Variants in DPF2 observed in about 807,000 individuals in gnomAD.
DPF2 encodes the protein double PHD fingers 2.
A neutral mutation model predicts 59.6 loss-of-function variants in DPF2; 10 were observed. That is an observed-to-expected ratio of 0.17 (90% CI 0.10 to 0.28). The LOEUF is 0.28. Ranked by LOEUF, DPF2 falls within the 10% of genes least tolerant of loss-of-function variation. DPF2 has a pLI of 1.00. For synonymous variants in DPF2, 189 were observed against 190.6 expected (o/e 0.99, Z 0.07); for missense variants, 315 against 509.4 (o/e 0.62, Z 3.67).
chr11:65,350,286 C>T (rs750264412), intron 10 of DPF2, among the ~76,000 whole-genome samples: 1 of 152,008 alleles, frequency 6.6e-6, no homozygotes, highest in Non-Finnish European at 1.5e-5. Flanking sequence ...AAGCTAAAAC[C>T]TATGGACCAC....
Position 65,340,400 on chromosome 11 carries a change from C to A in DPF2, c.48C>A (p.Tyr16Ter). The part of the protein sequence containing the change: ...ENVVKLLGEQ[Y>*]YKDAMEQCHN... ...TTCCCTGCAGCCTTGGGGAGCAGTA[C>A]TACAAAGATGCCATGGAGCAGTGCC... Residue 16 changes from tyrosine (Y) to a stop codon, truncating the protein, a stop_gained, in exon 2 of 11, where the codon TAC becomes TAA. Coordinates refer to ENST00000528416, the MANE Select transcript of DPF2 (RefSeq NM_006268.5). LOFTEE classifies it high-confidence loss of function. 6.2e-7 allele frequency: 1 copy of A among 1,614,230 alleles called. No individual in the cohort carries two copies. The highest frequency in any genetic ancestry group is 8.5e-7 in the Non-Finnish European group (1 of 1,180,046).
Position 65,352,253 on chromosome 11 carries a change from C to A in DPF2, c.*494C>A, listed in dbSNP as rs1488382438. 2 of 164,398 alleles carry A rather than the reference C, an allele frequency of 1.2e-5. No homozygotes were observed. The highest frequency in any genetic ancestry group is 5.7e-5 in the Admixed American group (1 of 17,446). 10.2% of individuals were successfully genotyped at this position (164,398 alleles called of 1,614,324 possible). A position where few individuals can be genotyped will look rare whatever the true frequency, so the allele number is the denominator to read the frequency against. On this transcript the variant is annotated 3_prime_UTR_variant, in exon 11 of 11. Transcript: ENST00000528416. ...CTGTGCCGCATAGCCTCACCTCTTT[C>A]CTCCAGAGTGGCTCTCTGCGGCCCT...
Position 65,354,033 on chromosome 11 carries a change from T to C in DPF2, c.*2274T>C, listed in dbSNP as rs924710811. On this transcript the variant is annotated 3_prime_UTR_variant, in exon 11 of 11. Transcript: ENST00000528416. ...AGATGGGTCTTGGAGAGTTGGACAG[T>C]GTCAGCCGGTAGGACGGGGGTGCGG... Among the ~76,000 whole-genome samples, 1 of 152,144 alleles carries C rather than the reference T, an allele frequency of 6.6e-6. No homozygotes were observed. Among genetic ancestry groups the C allele is most frequent in the African/African-American group, 2.4e-5 (1 of 41,434 alleles).
chr11:65,345,175 C>T (rs1854492657), intron 6 of DPF2: 1 of 171,716 alleles, frequency 5.8e-6, no homozygotes, highest in African/African-American at 2.4e-5. Flanking sequence ...AGAAACCCAT[C>T]CCCTGCTTGT....
chr11:65,341,219 GA>G lies in DPF2; in HGVS notation c.301+148del, dbSNP rs1285652900. ...TCTTTCCTTTAAGGACCTCAGTCTA[GA>G]AGGGGAGACAGGTAAACAGATAAGT... On this transcript the variant is annotated intron_variant, in intron 3 of 10. Coordinates refer to ENST00000528416, the MANE Select transcript of DPF2 (RefSeq NM_006268.5). 4.8e-6 allele frequency: 6 copies of G among 1,259,936 alleles called. No individual in the cohort carries two copies. The African/African-American group carries it at 9.0e-5, about 19-fold the overall frequency. The allele number at this position is 1,259,936 out of a possible 1,614,324, so 78.0% of individuals were successfully genotyped here. A position where few individuals can be genotyped will look rare whatever the true frequency, so the allele number is the denominator to read the frequency against.
chr11:65,346,088 G>A (rs753773852), intron 8 of DPF2, 30 bp downstream of exon 8: 1 of 1,613,300 alleles, frequency 6.2e-7, no homozygotes, highest in South Asian at 1.1e-5. Flanking sequence ...CTGCTGCTTT[G>A]CCCAGTCCCC....
chr11:65,340,237 G>A (rs1240902084), intron 1 of DPF2, 148 bp from the exon 2 acceptor site: 1 of 823,784 alleles, frequency 1.2e-6, no homozygotes, highest in Admixed American at 2.6e-5. Flanking sequence ...CGTGTCCCAT[G>A]AGGCAGAAGT....
chr11:65,338,552 A>G (rs553046017), intron 1 of DPF2, among the ~76,000 whole-genome samples: 28 of 152,286 alleles, frequency 1.8e-4, no homozygotes, highest in African/African-American at 2.2e-4. Flanking sequence ...TGTTTATCCA[A>G]TTTTATTCTG....
In DPF2 at chr11:65,336,389, GGCT is replaced by G. The variant is rs376305567; in HGVS notation, c.32+2473_32+2475del. ...CACCTGTAGTCCCAGCTACTTGAGA[GGCT>G]GAGGCACAAGAATCGCCTGAACCCA... On this transcript the variant is annotated intron_variant, in intron 1 of 10. Coordinates refer to ENST00000528416, the MANE Select transcript of DPF2 (RefSeq NM_006268.5). Among the ~76,000 whole-genome samples the G allele has an allele frequency of 9.2e-5, 14 of 152,074 alleles. No individual in the cohort carries two copies. In the East Asian group the frequency reaches 1.8e-3, roughly 19 times the overall value.
At chr11:65,340,574 C>T (rs772681106) in intron 2 of DPF2, 29 bp downstream of exon 2, 2 of 1,611,952 alleles carry the variant, frequency 1.2e-6, no homozygotes, top group Non-Finnish European at 1.7e-6. Context: ...GAGAAGGGGA[C>T]TCAGGAGCAT....
chr11:65,338,816 G>A (rs146378836), intron 1 of DPF2, among the ~76,000 whole-genome samples: 2 of 152,288 alleles, frequency 1.3e-5, no homozygotes, highest in African/African-American at 4.8e-5. Flanking sequence ...ACATTCTAGA[G>A]CAGGGTTTGT....
chr11:65,344,962 T>A (rs946580744), intron 6 of DPF2: 7 of 334,086 alleles, frequency 2.1e-5, no homozygotes, highest in Non-Finnish European at 3.8e-5. Flanking sequence ...CCCCACCACC[T>A]CCTCCTGCCA....
Position 65,345,918 on chromosome 11 carries a change from T to G in DPF2, c.776-12T>G, listed in dbSNP as rs765406677. 6.2e-7 allele frequency: 1 copy of G among 1,613,994 alleles called. No individual in the cohort carries two copies. Among genetic ancestry groups the G allele is most frequent in the Admixed American group, 1.7e-5 (1 of 60,002 alleles). ...CCCCCATGGGTGTCATCAAAACTCT[T>G]TCTCTCTGTAGCCAAAAAGGGTCCT... On this transcript the variant is annotated splice_polypyrimidine_tract_variant and intron_variant, in intron 7 of 10. Transcript: ENST00000528416.
intron 4 of DPF2, among the ~76,000 whole-genome samples, chr11:65,342,762 C>T (rs1197867286): frequency 6.6e-6 from 1 of 152,020 alleles, no homozygotes; most frequent in Non-Finnish European, 1.5e-5. Context: ...CCTGTAATCC[C>T]AGCACTTTGG....
chr11:65,343,560 T>C (rs61895423), intron 4 of DPF2, 185 bp from the exon 5 acceptor site: 1 of 598,300 alleles, frequency 1.7e-6, no homozygotes. Context: ...GGGAAAGATA[T>C]CCCAAAGTAT....
At chr11:65,334,481 C>T (rs1441307784) in intron 1 of DPF2, among the ~76,000 whole-genome samples, 3 of 152,220 alleles carry the variant, frequency 2.0e-5, no homozygotes, top group African/African-American at 4.8e-5. Flanking sequence ...AGGAGCGGAT[C>T]CAGAAGGGAA....
In DPF2 at chr11:65,341,052, T is replaced by C. The variant is rs774551990; in HGVS notation, c.280T>C (p.Ser94Pro). Residue 94 changes from serine (S) to proline (P), a missense_variant, in exon 3 of 11, where the codon TCC becomes CCC. Around this residue, in one of 4 missense-constraint regions of DPF2, gnomAD observed 228 missense variants for 275.3 expected, o/e 0.83. Transcript: ENST00000528416. Reference protein sequence around the residue: ...RAHPPEDPRLSFPSIKPDTDQ... With the variant: ...RAHPPEDPRLPFPSIKPDTDQ... ...CCATCCCCCTGAGGATCCACGACTT[T>C]CCTTCCCATCTATTAAGCCAGGTAA... is the stretch of plus-strand genomic sequence containing the variant. 1.9e-6 allele frequency: 3 copies of C among 1,614,082 alleles called. No individual in the cohort carries two copies. The highest frequency in any genetic ancestry group is 2.5e-6 in the Non-Finnish European group (3 of 1,180,032).
chr11:65,347,529 C>T (rs934893214), intron 9 of DPF2: 2 of 151,752 alleles, frequency 1.3e-5, no homozygotes, highest in Non-Finnish European at 2.9e-5. Context: ...GAGACAGGGT[C>T]TTGCCATATT....
chr11:65,346,201 C>A (rs781732459), intron 8 of DPF2, 46 bp from the exon 9 acceptor site: 3 of 1,603,204 alleles, frequency 1.9e-6, no homozygotes, highest in South Asian at 2.2e-5. Context: ...TCCTCTCTTC[C>A]CCCCGCATTT....
Sources: allele counts gnomAD v4.1 joint callset (sites outside exome capture counted in the v4.1 genomes callset), GRCh38; gene constraint gnomAD v4.1.1; regional missense constraint gnomAD v4.1.1; transcripts MANE v1.5; gene names NCBI Gene and HGNC (gene_info 2026-07-23, HGNC 2026-07-21).